The following USP34 variants were observed in gnomAD, a reference collection of about 807,000 sequenced individuals.
USP34 encodes ubiquitin specific peptidase 34, also known as ubiquitin carboxyl-terminal hydrolase 34.
USP34 carries 70 observed loss-of-function variants against 460.3 expected under a neutral mutation model. The observed-to-expected ratio is 0.15, with a 90% CI of 0.13 to 0.19. The LOEUF (loss-of-function observed/expected upper bound fraction) is 0.19. Among genes scored for constraint, USP34 ranks in the 10% least tolerant of loss-of-function variants. The pLI is 1.00. For missense variants in USP34, 3,985 were observed against 4,236.2 expected (o/e 0.94, Z 1.65); for synonymous variants, 1,647 against 1,405.3 (o/e 1.17, Z -3.85).
At chr2:61,323,329 G>C (rs1367894620) in intron 21 of USP34, among the ~76,000 whole-genome samples, 1 of 152,076 alleles carries the variant, frequency 6.6e-6, no homozygotes, top group Admixed American at 6.6e-5. Flanking sequence ...GGCTAACACG[G>C]TGAAACCCCG....
intron 15 of USP34, among the ~76,000 whole-genome samples, chr2:61,346,707 C>T (rs564208613): frequency 6.7e-6 from 1 of 148,476 alleles, no homozygotes; most frequent in African/African-American, 2.5e-5. Flanking sequence ...TGGGGGGCAC[C>T]TGTAGTCCCA....
intron 29 of USP34, among the ~76,000 whole-genome samples, chr2:61,297,944 C>T (rs1325640961): frequency 1.3e-5 from 2 of 152,132 alleles, no homozygotes; most frequent in East Asian, 1.9e-4. Flanking sequence ...GTAACACTTG[C>T]GCTATACTTG....
chr2:61,451,622 T>C (rs1170258005), intron 1 of USP34, among the ~76,000 whole-genome samples: 1 of 150,398 alleles, frequency 6.6e-6, no homozygotes, highest in Non-Finnish European at 1.5e-5. Context: ...ACGGAGGTTG[T>C]GGTGAGCCAA....
chr2:61,213,200 A>G (rs1687316660), intron 68 of USP34, among the ~76,000 whole-genome samples: 1 of 152,068 alleles, frequency 6.6e-6, no homozygotes. Flanking sequence ...TTTTTTGTAG[A>G]GATGGAGTTT....
chr2:61,354,434 T>C (rs576427801), intron 10 of USP34, among the ~76,000 whole-genome samples: 4 of 152,308 alleles, frequency 2.6e-5, no homozygotes, highest in Non-Finnish European at 2.9e-5. Flanking sequence ...AATTAAGACA[T>C]TCGCAGAAAA....
chr2:61,461,346 TGG>T, intron 1 of USP34, among the ~76,000 whole-genome samples: 1 of 151,086 alleles, frequency 6.6e-6, no homozygotes, highest in East Asian at 1.9e-4. Context: ...TGAGCCGAGA[TGG>T]CACCATTGCA....
chr2:61,294,117 G>A (rs1056266567), intron 32 of USP34, among the ~76,000 whole-genome samples: 2 of 152,028 alleles, frequency 1.3e-5, no homozygotes, highest in Non-Finnish European at 2.9e-5. Flanking sequence ...AGGCCGAGGC[G>A]GGTGGATCAC....
chr2:61,363,906 A>T lies in USP34; in HGVS notation c.1251+6415T>A, dbSNP rs116778218. On this transcript the variant is annotated intron_variant, in intron 10 of 79. Coordinates refer to ENST00000398571, the MANE Select transcript of USP34 (RefSeq NM_014709.4). ...AATGTTTGCTATGACATAGATTATC[A>T]CCACTATCTGTACGCAAAACATTTT... Among the ~76,000 whole-genome samples the T allele has an allele frequency of 5.8e-3, 877 of 152,354 alleles. 8 individuals are homozygous for T. Among genetic ancestry groups the T allele is most frequent in the Non-Finnish European group, 6.6e-3 (451 of 68,028 alleles).
At chr2:61,193,008 GTTATA>G in intron 75 of USP34, 28 bp from the exon 76 acceptor site, 1 of 1,560,400 alleles carries the variant, frequency 6.4e-7, no homozygotes, top group Non-Finnish European at 8.8e-7. Flanking sequence ...ATCAGAATAG[GTTATA>G]ATTATAAATT....
chr2:61,420,635 G>T (rs573775819), intron 2 of USP34, 111 bp downstream of exon 2: 2 of 561,582 alleles, frequency 3.6e-6, no homozygotes, highest in East Asian at 3.1e-5. Flanking sequence ...CTGTCATTTA[G>T]TAACTAATGG....
At chr2:61,244,990 T>C (rs1420271969) in intron 51 of USP34, among the ~76,000 whole-genome samples, 1 of 152,190 alleles carries the variant, frequency 6.6e-6, no homozygotes, top group Non-Finnish European at 1.5e-5. Flanking sequence ...AAGCTTTTTA[T>C]TTCTCTTACC....
intron 5 of USP34, among the ~76,000 whole-genome samples, chr2:61,390,600 T>C (rs1458654347): frequency 6.6e-6 from 1 of 152,220 alleles, no homozygotes; most frequent in African/African-American, 2.4e-5. Flanking sequence ...AACTCAGAGC[T>C]AGTTAAGAAC....
intron 33 of USP34, among the ~76,000 whole-genome samples, chr2:61,289,097 T>C (rs1396868109): frequency 6.6e-6 from 1 of 152,202 alleles, no homozygotes; most frequent in Non-Finnish European, 1.5e-5. Context: ...ACAAGATGTA[T>C]TTAATGAAAT....
intron 27 of USP34, 28 bp from the exon 28 acceptor site, chr2:61,301,482 ATTTGTT>A: frequency 1.3e-6 from 2 of 1,591,296 alleles, no homozygotes; most frequent in Non-Finnish European, 1.7e-6. Context: ...ATGGAAATGA[ATTTGTT>A]TTTAAGAATT....
Position 61,445,174 on chromosome 2 carries a change from C to T in USP34, c.44-24341G>A, listed in dbSNP as rs1695073441. Among the ~76,000 whole-genome samples the T allele has an allele frequency of 3.1e-5, 4 of 128,386 alleles. No homozygotes were observed. In the East Asian group the frequency reaches 8.8e-4, roughly 28 times the overall value. 84.2% of individuals were successfully genotyped at this position (128,386 alleles called of 152,430 possible). On this transcript the variant is annotated intron_variant, in intron 1 of 79. Transcript: ENST00000398571. ...ACAGCAGAACCACACTAAACACACACACACAAAAAAATGCTAAGAGAAAAA... is the reference window on the plus strand; with the variant it reads ...ACAGCAGAACCACACTAAACACACATACACAAAAAAATGCTAAGAGAAAAA...
intron 1 of USP34, among the ~76,000 whole-genome samples, chr2:61,431,758 G>A (rs1346897550): frequency 1.3e-5 from 2 of 152,074 alleles, no homozygotes; most frequent in Non-Finnish European, 2.9e-5. Flanking sequence ...GAGACCCGCG[G>A]CAGGAGAATC....
chr2:61,326,279 C>T (rs534799701), intron 20 of USP34, among the ~76,000 whole-genome samples: 2 of 152,306 alleles, frequency 1.3e-5, no homozygotes, highest in Admixed American at 1.3e-4. Flanking sequence ...AGAATCACCG[C>T]TCACTGCAAC....
chr2:61,387,956 C>CAT (rs1332923423), intron 5 of USP34, among the ~76,000 whole-genome samples: 11 of 141,224 alleles, frequency 7.8e-5, no homozygotes, highest in African/African-American at 2.4e-4. Context: ...CACACACACA[C>CAT]ACATATATAT....
chr2:61,426,918 C>T (rs910350820), intron 1 of USP34, among the ~76,000 whole-genome samples: 1 of 152,170 alleles, frequency 6.6e-6, no homozygotes, highest in Non-Finnish European at 1.5e-5. Flanking sequence ...ACCTGGTAAT[C>T]CACAAATTAT....
Sources: gnomAD v4.1 joint callset for allele counts (sites outside exome capture counted in the v4.1 genomes callset) on GRCh38, gnomAD v4.1.1 for gene constraint, MANE v1.5 for transcripts, NCBI Gene and HGNC (gene_info 2026-07-23, HGNC 2026-07-21) for gene names.